The following SIMC1 variants were observed in gnomAD, a reference collection of about 807,000 sequenced individuals.
SIMC1 encodes the protein SUMO interacting motifs containing 1.
A neutral mutation model predicts 82.3 loss-of-function variants in SIMC1; 55 were observed. The ratio of observed to expected loss-of-function variants is 0.67; its 90% CI spans 0.54 to 0.84. The LOEUF (loss-of-function observed/expected upper bound fraction) is 0.84. Ranked by LOEUF, SIMC1 falls within the 40% of genes least tolerant of loss-of-function variation. The pLI is 0.00. For missense variants in SIMC1, 915 were observed against 1,107.2 expected, an observed-to-expected ratio of 0.83 and a Z score of 2.46; for synonymous variants, 353 against 426.3, an observed-to-expected ratio of 0.83 and a Z score of 2.12.
chr5:176,282,993 G>A (rs183640753), intron 1 of SIMC1, among the ~76,000 whole-genome samples: 273 of 152,276 alleles, frequency 1.8e-3, no homozygotes, highest in Non-Finnish European at 2.0e-3. Flanking sequence ...AAAAAGAAAC[G>A]AACAAAGCCT....
At chr5:176,332,611 A>C (rs1299651266) in intron 7 of SIMC1, among the ~76,000 whole-genome samples, 3 of 152,186 alleles carry the variant, frequency 2.0e-5, no homozygotes, top group Non-Finnish European at 4.4e-5. Flanking sequence ...TTAGATTAAA[A>C]TCTTATTTTG....
chr5:176,315,035 T>G (rs1485753240), intron 5 of SIMC1, among the ~76,000 whole-genome samples: 1 of 152,238 alleles, frequency 6.6e-6, no homozygotes, highest in Non-Finnish European at 1.5e-5. Flanking sequence ...TGTTTTCAAC[T>G]TAAAATATTT....
At chr5:176,260,186 T>C (rs1341899964) in intron 1 of SIMC1, among the ~76,000 whole-genome samples, 1 of 152,182 alleles carries the variant, frequency 6.6e-6, no homozygotes, top group African/African-American at 2.4e-5. Context: ...CTGCATGTTA[T>C]TCTAATGTTA....
chr5:176,318,170 T>A (rs1765000416), intron 5 of SIMC1, among the ~76,000 whole-genome samples: 1 of 152,102 alleles, frequency 6.6e-6, no homozygotes, highest in Non-Finnish European at 1.5e-5. Flanking sequence ...ATGACCAGCC[T>A]GATTGGTTGT....
At chr5:176,253,660 G>T (rs1761763847) in intron 1 of SIMC1, among the ~76,000 whole-genome samples, 1 of 152,106 alleles carries the variant, frequency 6.6e-6, no homozygotes, top group Non-Finnish European at 1.5e-5. Context: ...GGTTTGGAGG[G>T]AGTAGCTCTC....
chr5:176,269,839 A>G (rs1762349264), intron 1 of SIMC1, among the ~76,000 whole-genome samples: 1 of 152,050 alleles, frequency 6.6e-6, no homozygotes, highest in Non-Finnish European at 1.5e-5. Flanking sequence ...TTGACCTCCC[A>G]GGTTTAAGCC....
rs1462657755 is a variant in SIMC1 at position 176,290,164 on chromosome 5, C to T, written c.640C>T (p.Arg214Cys). The T allele has an allele frequency of 3.6e-5, 58 of 1,610,902 alleles. 2 individuals are homozygous for T. In the Admixed American group the frequency reaches 8.8e-4, roughly 24 times the overall value. ...PLPCPQQDVS[R>C]PPQALPCPLR... ...GCCATGCCCACAGCAAGATGTATCT[C>T]GCCCACCACAGGCCTTGCCGTGCCC... The change falls in exon 2 of 10, where the codon CGC becomes TGC. Residue 214 changes from arginine to cysteine, a missense_variant. By Grantham distance (180) the Arg-to-Cys change is radical. This residue lies in a region of SIMC1 where 902 missense variants were observed against 1,040.3 expected (regional missense o/e 0.87). Coordinates refer to ENST00000429602, the MANE Select transcript of SIMC1 (RefSeq NM_001308195.2).
At chr5:176,277,765 G>A (rs1446279810) in intron 1 of SIMC1, among the ~76,000 whole-genome samples, 2 of 151,836 alleles carry the variant, frequency 1.3e-5, no homozygotes, top group Admixed American at 1.3e-4. Context: ...TTGTAGATAT[G>A]CGGTGTTATT....
intron 9 of SIMC1, 119 bp downstream of exon 9, chr5:176,337,265 T>C (rs1765942802): frequency 2.3e-6 from 2 of 854,744 alleles, no homozygotes; most frequent in Non-Finnish European, 1.9e-6. Context: ...ATGTAACTTA[T>C]TATAAGGGAT....
chr5:176,255,375 A>T (rs991946747), intron 1 of SIMC1, among the ~76,000 whole-genome samples: 20 of 151,184 alleles, frequency 1.3e-4, no homozygotes, highest in African/African-American at 4.9e-4. Flanking sequence ...TGAGGACAGG[A>T]ATTTGAGACC....
rs1310075302 is a variant in SIMC1, at chr5:176,345,221, A to G, written c.2452A>G (p.Ile818Val). 3 of 1,613,892 alleles carry G rather than the reference A, an allele frequency of 1.9e-6. No individual in the cohort carries two copies. The highest frequency in any genetic ancestry group is 2.7e-5 in the African/African-American group (2 of 74,940). The change falls in exon 10 of 10, where the codon ATA becomes GTA. Residue 818 changes from isoleucine to valine, a missense_variant. Ile to Val is a conservative substitution (Grantham distance 29). This residue lies in a region of SIMC1 where 902 missense variants were observed against 1,040.3 expected (regional missense o/e 0.87). Coordinates refer to ENST00000429602, the MANE Select transcript of SIMC1 (RefSeq NM_001308195.2). Reference protein sequence around the residue: ...RSSVIDRKDLIIKRIKPKPQQ... With the variant: ...RSSVIDRKDLVIKRIKPKPQQ... ...TTCCGTGATCGACCGAAAGGACTTAATAATCAAAAGGATTAAGCCCAAACC... is the reference window on the plus strand; with the variant it reads ...TTCCGTGATCGACCGAAAGGACTTAGTAATCAAAAGGATTAAGCCCAAACC...
chr5:176,268,716 A>G (rs1034515628), intron 1 of SIMC1, among the ~76,000 whole-genome samples: 1 of 152,234 alleles, frequency 6.6e-6, no homozygotes, highest in Non-Finnish European at 1.5e-5. Flanking sequence ...CAGTCAAACT[A>G]CAACCGTAGT....
intron 1 of SIMC1, among the ~76,000 whole-genome samples, chr5:176,243,393 G>A (rs1761333642): frequency 1.3e-5 from 2 of 152,196 alleles, no homozygotes; most frequent in Admixed American, 1.3e-4. Flanking sequence ...GACAGAGTCA[G>A]AAGAGATGAG....
Position 176,290,711 on chromosome 5 carries a change from C to T in SIMC1, c.1187C>T (p.Ser396Phe), listed in dbSNP as rs147989079. 6.2e-6 allele frequency: 10 copies of T among 1,613,958 alleles called. No individual in the cohort carries two copies. The African/African-American group carries it at 9.3e-5, about 15-fold the overall frequency. ...DISALSSPSC[S>F]PSPQSETPLE... ...TCAGCTCTGTCCTCTCCAAGCTGCT[C>T]TCCCAGCCCACAGTCTGAAACTCCC... Residue 396 changes from serine (S) to phenylalanine (F), a missense_variant, in exon 2 of 10, where the codon TCT becomes TTT. Physicochemically the swap from Ser to Phe is radical, Grantham distance 155 (BLOSUM62 -2). Coordinates refer to ENST00000429602, the MANE Select transcript of SIMC1 (RefSeq NM_001308195.2).
chr5:176,276,862 G>C lies in SIMC1; in HGVS notation c.130-12792G>C, dbSNP rs953456716. On this transcript the variant is annotated intron_variant, in intron 1 of 9. Coordinates refer to ENST00000429602, the MANE Select transcript of SIMC1 (RefSeq NM_001308195.2). ...CAGTCTATCATTGTTGGACATTTGG[G>C]TTGGTTCCAAGTCTTTGCTATTGTG... 7.4e-5 allele frequency among the ~76,000 whole-genome samples: 11 copies of C among 148,180 alleles called. No individual in the cohort carries two copies. In the Admixed American group the frequency reaches 7.4e-4, roughly 10 times the overall value.
Position 176,290,733 on chromosome 5 carries a change from T to G in SIMC1, c.1209T>G (p.Thr403=). 6.2e-7 allele frequency: 1 copy of G among 1,613,580 alleles called. No homozygotes were observed. The highest frequency in any genetic ancestry group is 8.5e-7 in the Non-Finnish European group (1 of 1,179,732). ...PSCSPSPQSE[T]PLEKVPWLSV... ...GCTCTCCCAGCCCACAGTCTGAAAC[T>G]CCCTTAGAGAAAGTTCCTTGGCTCT... is the stretch of plus-strand genomic sequence containing the variant. Residue 403 remains threonine, a synonymous_variant, in exon 2 of 10, where the codon ACT becomes ACG. Coordinates refer to ENST00000429602, the MANE Select transcript of SIMC1 (RefSeq NM_001308195.2).
intron 5 of SIMC1, among the ~76,000 whole-genome samples, chr5:176,321,654 G>C (rs1765162999): frequency 6.6e-6 from 1 of 152,002 alleles, no homozygotes; most frequent in Non-Finnish European, 1.5e-5. Flanking sequence ...AACTTGTAGA[G>C]CCTCAGCCCT....
At chr5:176,318,783 T>C (rs528095030) in intron 5 of SIMC1, among the ~76,000 whole-genome samples, 1 of 152,366 alleles carries the variant, frequency 6.6e-6, no homozygotes, top group Admixed American at 6.5e-5. Flanking sequence ...AAATCTTTCA[T>C]TGTCTTCTAG....
intron 4 of SIMC1, chr5:176,296,732 T>A (rs1351499680): frequency 6.2e-6 from 1 of 162,178 alleles, no homozygotes; most frequent in Non-Finnish European, 1.3e-5. Context: ...TCCCTCCTGA[T>A]TCTCCCACCC....
Sources: gnomAD v4.1 joint callset for allele counts (sites outside exome capture counted in the v4.1 genomes callset) on GRCh38, gnomAD v4.1.1 for gene constraint, gnomAD v4.1.1 regional missense constraint, MANE v1.5 for transcripts, NCBI Gene and HGNC (gene_info 2026-07-23, HGNC 2026-07-21) for gene names.